MGRN1: variants seen among roughly 807,000 people sequenced by gnomAD.
MGRN1 encodes mahogunin ring finger 1.
Under a neutral mutation model 69.2 loss-of-function variants are expected in MGRN1, and 29 were observed. The observed-to-expected ratio is 0.42, with a 90% CI of 0.31 to 0.57. The LOEUF is 0.57. Among genes scored for constraint, MGRN1 ranks in the 20% least tolerant of loss-of-function variants. The pLI, the probability that MGRN1 is intolerant of heterozygous loss-of-function variation, is 0.15. For synonymous variants in MGRN1, 470 were observed against 344.2 expected (o/e 1.37, Z -4.04); for missense variants, 998 against 796.2 (o/e 1.25, Z -3.05).
At chr16:4,677,836 CTTTT>C (rs747139466) in intron 11 of MGRN1, among the ~76,000 whole-genome samples, 1 of 111,980 alleles carries the variant, frequency 8.9e-6, no homozygotes, top group African/African-American at 3.4e-5. Flanking sequence ...GAGCCAGGTG[CTTTT>C]TTTTTTTTTT....
At chr16:4,634,128 A>G (rs895443339) in intron 1 of MGRN1, among the ~76,000 whole-genome samples, 10 of 152,314 alleles carry the variant, frequency 6.6e-5, no homozygotes, top group Admixed American at 6.5e-4. Context: ...CTCCTGTGCC[A>G]GTGACTTCCT....
intron 11 of MGRN1, among the ~76,000 whole-genome samples, chr16:4,677,979 C>G (rs1184961825): frequency 2.0e-5 from 3 of 152,050 alleles, no homozygotes; most frequent in African/African-American, 7.2e-5. Context: ...TCCCAAGACG[C>G]TGTGACCACG....
At chr16:4,673,093 C>G (rs1037432895) in intron 9 of MGRN1, among the ~76,000 whole-genome samples, 2 of 152,230 alleles carry the variant, frequency 1.3e-5, no homozygotes, top group African/African-American at 4.8e-5. Flanking sequence ...CCGCCTCAGC[C>G]TCCCAAAGTG....
chr16:4,663,123 G>A (rs142017933), intron 5 of MGRN1, among the ~76,000 whole-genome samples: 9 of 152,174 alleles, frequency 5.9e-5, no homozygotes, highest in African/African-American at 1.9e-4. Flanking sequence ...GAGTGCAGTG[G>A]TGTGATCTCG....
intron 1 of MGRN1, chr16:4,639,883 G>A (rs1317447432): frequency 1.3e-5 from 2 of 152,224 alleles, no homozygotes; most frequent in Admixed American, 1.3e-4. Context: ...AGGCGGGGCA[G>A]GTGCTTTCAG....
intron 6 of MGRN1, 81 bp downstream of exon 6, chr16:4,664,856 C>T (rs2078764464): frequency 1.9e-6 from 3 of 1,557,108 alleles, no homozygotes; most frequent in East Asian, 2.2e-5. Flanking sequence ...GTGCTTGCAG[C>T]AGTGATGAAG....
At chr16:4,636,653 A>G (rs906246685) in intron 1 of MGRN1, among the ~76,000 whole-genome samples, 7 of 151,970 alleles carry the variant, frequency 4.6e-5, no homozygotes, top group African/African-American at 1.7e-4. Flanking sequence ...TCATACTGGC[A>G]CTAGGTAGGG....
At chr16:4,649,943 T>G (rs1048031886) in intron 1 of MGRN1, 1 of 163,328 alleles carries the variant, frequency 6.1e-6, no homozygotes, top group African/African-American at 2.4e-5. Flanking sequence ...AGGTGGAGCC[T>G]TTCTCAGGGC....
chr16:4,686,603 A>G (rs908035239), intron 16 of MGRN1: 18 of 1,218,594 alleles, frequency 1.5e-5, no homozygotes, highest in African/African-American at 3.1e-5. Context: ...CAGCCCAGGC[A>G]GGGAGACAGA....
chr16:4,683,225 G>C lies in MGRN1; in HGVS notation c.1484G>C (p.Ser495Thr), dbSNP rs373606722. Residue 495 changes from serine to threonine, a missense_variant and splice_region_variant, in exon 15 of 17, where the codon AGT (serine) becomes ACT (threonine). Physicochemically the swap from Ser to Thr is moderately conservative, Grantham distance 58. Transcript: ENST00000262370. ...LALRESSSPESFITEEVDESS... is the reference protein window; with the variant it reads ...LALRESSSPETFITEEVDESS... ...GCTACTTTCCCCTTTGTTTCCTAGA[G>C]TTTCATAACAGAAGAGGTTGATGAG... The C allele has an allele frequency of 3.7e-6, 6 of 1,613,644 alleles. No individual in the cohort carries two copies. In the African/African-American group the frequency reaches 8.0e-5, roughly 22 times the overall value.
At chr16:4,662,442 G>T (rs957583396) in intron 5 of MGRN1, among the ~76,000 whole-genome samples, 2 of 151,924 alleles carry the variant, frequency 1.3e-5, no homozygotes, top group African/African-American at 4.8e-5. Flanking sequence ...CTTGAACCCA[G>T]GGGGTGGAGG....
intron 13 of MGRN1, among the ~76,000 whole-genome samples, chr16:4,682,284 C>T (rs1389659569): frequency 6.6e-6 from 1 of 152,264 alleles, no homozygotes; most frequent in African/African-American, 2.4e-5. Context: ...ATCCATCACT[C>T]ATACGACAGC....
chr16:4,667,407 C>A (rs184580549), intron 7 of MGRN1, among the ~76,000 whole-genome samples: 1 of 152,316 alleles, frequency 6.6e-6, no homozygotes, highest in East Asian at 1.9e-4. Flanking sequence ...CAGCCTTCTG[C>A]CTTTTTAGTA....
intron 10 of MGRN1, among the ~76,000 whole-genome samples, chr16:4,675,639 G>A (rs539935011): frequency 3.9e-4 from 59 of 151,902 alleles, no homozygotes; most frequent in Non-Finnish European, 7.6e-4. Context: ...GCTGAGGCGG[G>A]AGGATCGGCT....
At chr16:4,654,208 C>G (rs2141888971) in intron 4 of MGRN1, among the ~76,000 whole-genome samples, 1 of 152,224 alleles carries the variant, frequency 6.6e-6, no homozygotes, top group Admixed American at 6.5e-5. Flanking sequence ...CGGGAAATTC[C>G]AAGGGTTTGG....
At chr16:4,663,875 G>C (rs531420748) in intron 5 of MGRN1, among the ~76,000 whole-genome samples, 1 of 152,360 alleles carries the variant, frequency 6.6e-6, no homozygotes, top group East Asian at 1.9e-4. Context: ...GTGCACAGCA[G>C]GGGGTGGGAT....
At chr16:4,660,106 A>G (rs1281867690) in intron 5 of MGRN1, among the ~76,000 whole-genome samples, 2 of 152,238 alleles carry the variant, frequency 1.3e-5, no homozygotes, top group Non-Finnish European at 2.9e-5. Flanking sequence ...GCGCAGCTGC[A>G]AGGACAGGCC....
At chr16:4,649,135 C>G (rs992403049) in intron 1 of MGRN1, 1 of 152,520 alleles carries the variant, frequency 6.6e-6, no homozygotes, top group Admixed American at 6.5e-5. Flanking sequence ...TCCTGATGGG[C>G]GCCACCTACA....
At chr16:4,663,103 G>A (rs1005871410) in intron 5 of MGRN1, among the ~76,000 whole-genome samples, 2 of 152,142 alleles carry the variant, frequency 1.3e-5, no homozygotes. Flanking sequence ...TCACTGTGTC[G>A]CCCAGGCTGG....
Sources: allele counts gnomAD v4.1 joint callset (sites outside exome capture counted in the v4.1 genomes callset), GRCh38; gene constraint gnomAD v4.1.1; transcripts MANE v1.5; gene names NCBI Gene and HGNC (gene_info 2026-07-23, HGNC 2026-07-21).